VPS13A: variants seen among roughly 807,000 people sequenced by gnomAD.
VPS13A encodes intermembrane lipid transfer protein VPS13A.
VPS13A carries 264 observed loss-of-function variants against 390.9 expected under a neutral mutation model. The observed-to-expected ratio is 0.68, with a 90% CI of 0.61 to 0.75. VPS13A has a LOEUF of 0.75. Among genes scored for constraint, VPS13A ranks in the 30% least tolerant of loss-of-function variants. The pLI, the probability that VPS13A is intolerant of heterozygous loss-of-function variation, is 0.00. For synonymous variants in VPS13A, 1,231 were observed against 1,227.1 expected, an observed-to-expected ratio of 1.00 and a Z score of -0.07; for missense variants, 3,409 against 3,733.9, an observed-to-expected ratio of 0.91 and a Z score of 2.27.
At chr9:77,388,566 T>A (rs920292706) in intron 68 of VPS13A, among the ~76,000 whole-genome samples, 1 of 152,190 alleles carries the variant, frequency 6.6e-6, no homozygotes, top group African/African-American at 2.4e-5. Flanking sequence ...AAAACTGGCT[T>A]TTGATGAATC....
chr9:77,234,537 G>A (rs562957134), intron 17 of VPS13A, among the ~76,000 whole-genome samples: 2 of 152,104 alleles, frequency 1.3e-5, no homozygotes, highest in African/African-American at 4.8e-5. Context: ...GAATATTTTC[G>A]ATGGGTTTAT....
At chr9:77,375,296 C>T (rs1286912919) in intron 67 of VPS13A, among the ~76,000 whole-genome samples, 1 of 151,822 alleles carries the variant, frequency 6.6e-6, no homozygotes, top group African/African-American at 2.4e-5. Context: ...AAAAAAGACA[C>T]TGAAAGTAAA....
intron 24 of VPS13A, among the ~76,000 whole-genome samples, chr9:77,275,071 A>T (rs1334119020): frequency 6.6e-6 from 1 of 152,110 alleles, no homozygotes; most frequent in Non-Finnish European, 1.5e-5. Flanking sequence ...CTCTGCTGCT[A>T]ATATTGCAGA....
At chr9:77,331,937 G>A in intron 45 of VPS13A, 73 bp from the exon 46 acceptor site, 1 of 981,206 alleles carries the variant, frequency 1.0e-6, no homozygotes. Flanking sequence ...ATAGTTACAT[G>A]GACATATTTT....
chr9:77,214,257 CA>C (rs1444228711), intron 9 of VPS13A, 71 bp from the exon 10 acceptor site: 49 of 1,338,958 alleles, frequency 3.7e-5, no homozygotes, highest in African/African-American at 8.7e-5. Context: ...GCCTGGGTGA[CA>C]GGGGGAGACT....
rs745798294 is a variant in VPS13A at position 77,403,315 on chromosome 9, C to A, written c.9269C>A (p.Thr3090Asn). ...MINKTDMLMI[T>N]RRGVLFVTKG... ...AATAAGACAGATATGCTAATGATAA[C>A]CAGACGGTAACTTGCTTTCTTTCTC... The change falls in exon 69 of 72, where the codon ACC becomes AAC. Residue 3090 changes from threonine to asparagine, a missense_variant. Thr to Asn is a moderately conservative substitution (Grantham distance 65, BLOSUM62 0). Transcript: ENST00000360280. 1 of 1,610,414 alleles carries A rather than the reference C, an allele frequency of 6.2e-7. No homozygotes were observed. The highest frequency in any genetic ancestry group is 1.1e-5 in the South Asian group (1 of 91,050).
In VPS13A at chr9:77,370,574, T is replaced by C. The variant is rs1260714818; in HGVS notation, c.8903T>C (p.Val2968Ala). 1 of 1,614,108 alleles carries C rather than the reference T, an allele frequency of 6.2e-7. No individual in the cohort carries two copies. Among genetic ancestry groups the C allele is most frequent in the East Asian group, 2.2e-5 (1 of 44,878 alleles). ...ATCACTCGTGGAGGAAAAGGCTTAG[T>C]TTCTGTAAGAAATTTCACAGGGTTG... Reference protein sequence around the residue: ...EGITRGGKGLVSGFVSGITGI... With the variant: ...EGITRGGKGLASGFVSGITGI... Residue 2968 changes from valine to alanine, a missense_variant, in exon 65 of 72, where the codon GTT becomes GCT. Transcript: ENST00000360280.
rs371545677 is a variant in VPS13A at position 77,337,406 on chromosome 9, C to T, written c.6247C>T (p.Pro2083Ser). 5.6e-6 allele frequency: 9 copies of T among 1,612,454 alleles called. No individual in the cohort carries two copies. The highest frequency in any genetic ancestry group is 7.6e-6 in the Non-Finnish European group (9 of 1,178,868). The change falls in exon 47 of 72, where the codon CCA (proline) becomes TCA (serine). Residue 2083 changes from proline (P) to serine (S), a missense_variant. Physicochemically the swap from Pro to Ser is moderately conservative, Grantham distance 74. This residue lies in a region of VPS13A where 2,717 missense variants were observed against 2,917.4 expected (regional missense o/e 0.93). Coordinates refer to ENST00000360280, the MANE Select transcript of VPS13A (RefSeq NM_033305.3). The part of the protein sequence containing the change: ...SKESFLINIV[P>S]EKDNLTSLSV... ...GGAATCATTTCTCATTAATATTGTT[C>T]CAGAAAAAGATAATTTAACATCTCT...
Position 77,421,518 on chromosome 9 carries a change from A to C in VPS13A, c.*5512A>C, listed in dbSNP as rs1253097449. ...ATTTTCACCATGTATACCTTTGTCA[A>C]ATAAAGATTTCTGATCTTTGGTCTG... is the stretch of plus-strand genomic sequence containing the variant. On this transcript the variant is annotated 3_prime_UTR_variant, in exon 72 of 72. Coordinates refer to ENST00000360280, the MANE Select transcript of VPS13A (RefSeq NM_033305.3). 1 of 152,156 alleles carries C rather than the reference A, an allele frequency of 6.6e-6. No homozygotes were observed. The highest frequency in any genetic ancestry group is 1.5e-5 in the Non-Finnish European group (1 of 68,008). The allele number at this position is 152,156 out of a possible 1,614,324, so 9.4% of individuals were successfully genotyped here.
intron 19 of VPS13A, among the ~76,000 whole-genome samples, chr9:77,238,597 C>T (rs1285216536): frequency 6.6e-6 from 1 of 152,080 alleles, no homozygotes. Flanking sequence ...ACCTAGTAAC[C>T]ACATTTAAGT....
At chr9:77,230,214 GTTTTC>G (rs1163516934) in intron 17 of VPS13A, among the ~76,000 whole-genome samples, 3 of 151,488 alleles carry the variant, frequency 2.0e-5, no homozygotes, top group Non-Finnish European at 4.4e-5. Context: ...CTCTCACTGT[GTTTTC>G]TTTTTATTTT....
chr9:77,277,439 A>G (rs1162533521), intron 26 of VPS13A, among the ~76,000 whole-genome samples: 11 of 152,188 alleles, frequency 7.2e-5, no homozygotes, highest in Non-Finnish European at 1.3e-4. Context: ...CATCGTAATT[A>G]CCAAGAGTCC....
chr9:77,205,286 CT>C (rs376617644), intron 3 of VPS13A, 26 bp from the exon 4 acceptor site: 51,653 of 900,962 alleles, frequency 0.057, no homozygotes, highest in South Asian at 0.085. Context: ...ATTTTTTGTC[CT>C]TTTTTTTTTT....
chr9:77,345,110 C>T lies in VPS13A; in HGVS notation c.7257C>T (p.His2419=). ...DGAATFLLIN[H]TKNELVQYNQ... ...CAGCTACATTCCTCTTAATAAATCA[C>T]ACAAAGAATGAACTTGTTCAATACA... Residue 2419 remains histidine, a synonymous_variant, in exon 52 of 72, where the codon CAC becomes CAT. Transcript: ENST00000360280. 6.2e-7 allele frequency: 1 copy of T among 1,613,028 alleles called. No homozygotes were observed. The highest frequency in any genetic ancestry group is 8.5e-7 in the Non-Finnish European group (1 of 1,179,714).
intron 67 of VPS13A, among the ~76,000 whole-genome samples, chr9:77,373,295 T>C (rs1167631863): frequency 0.013 from 1,898 of 147,604 alleles, 41 homozygotes; most frequent in African/African-American, 0.045. Context: ...GAGATATACA[T>C]CAATGGAACA....
chr9:77,237,789 C>CT (rs1461852006), intron 17 of VPS13A, among the ~76,000 whole-genome samples: 2 of 152,110 alleles, frequency 1.3e-5, no homozygotes, highest in Non-Finnish European at 2.9e-5. Flanking sequence ...CTTATCATAA[C>CT]TTTTTTACAT....
At chr9:77,386,107 T>A (rs1056550245) in intron 68 of VPS13A, among the ~76,000 whole-genome samples, 1 of 152,208 alleles carries the variant, frequency 6.6e-6, no homozygotes, top group Non-Finnish European at 1.5e-5. Flanking sequence ...ATCACAGTAT[T>A]TTTATCTTTT....
Position 77,296,216 on chromosome 9 carries a change from G to A in VPS13A, c.3812+370G>A, listed in dbSNP as rs555046615. ...ACATTATCATCTTATCTTCTCTGTC[G>A]GTTGTTGCTGTGGCTCTGATGCTGT... On this transcript the variant is annotated intron_variant, in intron 33 of 71. Transcript: ENST00000360280. Among the ~76,000 whole-genome samples the A allele has an allele frequency of 1.8e-4, 27 of 152,080 alleles. 1 individual carries two copies. Among genetic ancestry groups the A allele is most frequent in the African/African-American group, 5.5e-4 (23 of 41,482 alleles).
At chr9:77,407,852 T>TGCTA (rs1834699189) in intron 71 of VPS13A, among the ~76,000 whole-genome samples, 1 of 152,168 alleles carries the variant, frequency 6.6e-6, no homozygotes, top group African/African-American at 2.4e-5. Context: ...TTATTTTAAA[T>TGCTA]GCTAACTCTA....
Sources: allele counts gnomAD v4.1 joint callset (sites outside exome capture counted in the v4.1 genomes callset), GRCh38; gene constraint gnomAD v4.1.1; regional missense constraint gnomAD v4.1.1; transcripts MANE v1.5; gene names NCBI Gene and HGNC (gene_info 2026-07-23, HGNC 2026-07-21).